The following MYH15 variants were observed in gnomAD, a reference collection of about 807,000 sequenced individuals.
MYH15 encodes myosin-15.
MYH15 carries 227 observed loss-of-function variants against 240.5 expected under a neutral mutation model. The ratio of observed to expected loss-of-function variants is 0.94; its 90% CI spans 0.85 to 1.05. MYH15 has a LOEUF of 1.05. MYH15 is among the 50% of genes least tolerant of loss of function. MYH15 has a pLI of 0.00. For synonymous variants in MYH15, 785 were observed against 796.7 expected (o/e 0.99, Z 0.25); for missense variants, 2,217 against 2,247.5 (o/e 0.99, Z 0.27).
intron 1 of MYH15, among the ~76,000 whole-genome samples, chr3:108,523,817 C>T (rs1190496967): frequency 4.0e-5 from 6 of 151,882 alleles, no homozygotes; most frequent in Non-Finnish European, 7.4e-5. Flanking sequence ...CAATTATATA[C>T]AGGCCTCTAT....
In MYH15 at chr3:108,486,464, C is replaced by T. The variant is rs1179544977; in HGVS notation, c.934G>A (p.Val312Met). ...FHFCSCGAVT[V>M]ESLDDAEELL... is the part of the protein sequence containing the mutation. ...TCTTCAGCATCATCCAAGCTCTCCA[C>T]AGTAACTGCTCCACAGGAGCAAAAG... The change falls in exon 10 of 41, where the codon GTG becomes ATG. Residue 312 changes from valine to methionine, a missense_variant. Coordinates refer to ENST00000693548, the MANE Select transcript of MYH15 (RefSeq NM_014981.3). 6 of 1,612,300 alleles carry T rather than the reference C, an allele frequency of 3.7e-6. No homozygotes were observed. The highest frequency in any genetic ancestry group is 1.1e-5 in the South Asian group (1 of 90,760).
chr3:108,387,874 G>A (rs980715530), intron 38 of MYH15, among the ~76,000 whole-genome samples: 10 of 152,212 alleles, frequency 6.6e-5, no homozygotes, highest in Non-Finnish European at 1.2e-4. Context: ...ATTAGCCCAA[G>A]ATGATGCTTC....
intron 11 of MYH15, among the ~76,000 whole-genome samples, chr3:108,484,205 C>T (rs1185232044): frequency 1.3e-5 from 2 of 152,120 alleles, no homozygotes; most frequent in Non-Finnish European, 2.9e-5. Flanking sequence ...AAGGTAATAA[C>T]AACTATGCTT....
rs1389038644 is a variant in MYH15 at position 108,428,520 on chromosome 3, G to A, written c.3674C>T (p.Thr1225Ile). 1.2e-6 allele frequency: 2 copies of A among 1,613,850 alleles called. No homozygotes were observed. Among genetic ancestry groups the A allele is most frequent in the South Asian group, 1.1e-5 (1 of 91,058 alleles). ...DLQLEVDDLL[T>I]RVEQMTRAKA... ...AGCTCTTGTCATCTGCTCAACACGG[G>A]TCAGGAGGTCATCTACTTCTAGCTG... Residue 1225 changes from threonine (T) to isoleucine (I), a missense_variant, in exon 27 of 41, where the codon ACC becomes ATC. Physicochemically the swap from Thr to Ile is moderately conservative, Grantham distance 89 (BLOSUM62 -1). Coordinates refer to ENST00000693548, the MANE Select transcript of MYH15 (RefSeq NM_014981.3).
At chr3:108,397,112 C>T (rs1200243399) in intron 35 of MYH15, among the ~76,000 whole-genome samples, 1 of 152,162 alleles carries the variant, frequency 6.6e-6, no homozygotes, top group East Asian at 1.9e-4. Flanking sequence ...CACAGTAAAA[C>T]TTCCTAAAAT....
intron 14 of MYH15, among the ~76,000 whole-genome samples, chr3:108,466,263 G>C (rs750821186): frequency 2.0e-5 from 3 of 152,222 alleles, no homozygotes; most frequent in Admixed American, 6.5e-5. Flanking sequence ...TGCTGATGGA[G>C]AGAATGTGGT....
intron 38 of MYH15, among the ~76,000 whole-genome samples, chr3:108,385,006 G>A (rs935944757): frequency 1.3e-5 from 2 of 152,092 alleles, no homozygotes; most frequent in African/African-American, 4.8e-5. Context: ...TGCTGAAATG[G>A]GAGTTAAACC....
At chr3:108,492,687 C>A (rs140152725) in intron 8 of MYH15, 92 bp from the exon 9 acceptor site, 4 of 865,112 alleles carry the variant, frequency 4.6e-6, no homozygotes, top group East Asian at 5.4e-5. Flanking sequence ...TGGCTCACAA[C>A]TGTAATCCCA....
intron 1 of MYH15, among the ~76,000 whole-genome samples, chr3:108,523,579 T>C (rs2083640851): frequency 6.6e-6 from 1 of 151,920 alleles, no homozygotes; most frequent in Non-Finnish European, 1.5e-5. Flanking sequence ...GTGATAAAGC[T>C]TGGGGTTTTT....
At chr3:108,493,348 C>T (rs1162030027) in intron 7 of MYH15, among the ~76,000 whole-genome samples, 171 bp from the exon 8 acceptor site, 2 of 151,222 alleles carry the variant, frequency 1.3e-5, no homozygotes, top group African/African-American at 4.9e-5. Context: ...GAGAAAAATG[C>T]AATGTGGGTT....
At chr3:108,501,902 C>T (rs377103189) in intron 2 of MYH15, 47 bp from the exon 3 acceptor site, 7 of 1,565,236 alleles carry the variant, frequency 4.5e-6, no homozygotes, top group African/African-American at 1.4e-5. Context: ...GTCTCCTATG[C>T]GTATTCATTT....
At chr3:108,395,892 C>A (rs2082457047) in intron 35 of MYH15, among the ~76,000 whole-genome samples, 1 of 152,076 alleles carries the variant, frequency 6.6e-6, no homozygotes, top group African/African-American at 2.4e-5. Context: ...GGGAGAGGTC[C>A]TTGTGAATAA....
chr3:108,497,447 T>C (rs369270697), intron 6 of MYH15, among the ~76,000 whole-genome samples: 33 of 152,144 alleles, frequency 2.2e-4, no homozygotes, highest in African/African-American at 7.5e-4. Context: ...TGCATACCAA[T>C]GTTTATGGTC....
upstream of MYH15, among the ~76,000 whole-genome samples, chr3:108,531,011 G>A (rs1321552380): frequency 1.3e-5 from 2 of 152,182 alleles, no homozygotes; most frequent in African/African-American, 4.8e-5. Context: ...CACAATTTGA[G>A]AATTATTGCT....
chr3:108,412,630 C>T (rs1388725023), intron 30 of MYH15, among the ~76,000 whole-genome samples: 1 of 152,176 alleles, frequency 6.6e-6, no homozygotes, highest in Non-Finnish European at 1.5e-5. Context: ...TATTTTGCTC[C>T]TTAACTTGCC....
At chr3:108,483,201 A>AT (rs1174036276) in intron 11 of MYH15, among the ~76,000 whole-genome samples, 1 of 131,762 alleles carries the variant, frequency 7.6e-6, no homozygotes, top group African/African-American at 2.8e-5. Flanking sequence ...CTCTGTCTCC[A>AT]TAAAAAAAAA....
At chr3:108,414,149 A>G in intron 30 of MYH15, 83 bp downstream of exon 30, 2 of 1,427,994 alleles carry the variant, frequency 1.4e-6, no homozygotes, top group South Asian at 2.6e-5. Flanking sequence ...AGTGCATACC[A>G]TGAGGCCTTG....
intron 1 of MYH15, among the ~76,000 whole-genome samples, chr3:108,508,577 G>A (rs1272631350): frequency 6.6e-6 from 1 of 152,064 alleles, no homozygotes; most frequent in African/African-American, 2.4e-5. Flanking sequence ...AAGCTAATAT[G>A]TGCTTATTGA....
chr3:108,470,624 T>G, intron 13 of MYH15, 74 bp downstream of exon 13: 2 of 1,517,296 alleles, frequency 1.3e-6, no homozygotes, highest in Non-Finnish European at 1.8e-6. Flanking sequence ...TGACCATATT[T>G]TCCCATCTTC....
Sources: gnomAD v4.1 joint callset for allele counts (sites outside exome capture counted in the v4.1 genomes callset) on GRCh38, gnomAD v4.1.1 for gene constraint, MANE v1.5 for transcripts, NCBI Gene and HGNC (gene_info 2026-07-23, HGNC 2026-07-21) for gene names.